GIGYF2: variants seen among roughly 807,000 people sequenced by gnomAD.
GIGYF2 encodes the protein GRB10-interacting GYF protein 2.
A neutral mutation model predicts 208.1 loss-of-function variants in GIGYF2; 25 were observed. That is an observed-to-expected ratio of 0.12 (90% CI 0.09 to 0.17). The LOEUF is 0.17. Among genes scored for constraint, GIGYF2 ranks in the 10% least tolerant of loss-of-function variants. The pLI is 1.00. For synonymous variants in GIGYF2, 534 were observed against 543.8 expected (o/e 0.98, Z 0.25); for missense variants, 1,302 against 1,579.4 (o/e 0.82, Z 2.98).
At chr2:232,837,017 C>T (rs906266644) in intron 22 of GIGYF2, among the ~76,000 whole-genome samples, 2 of 152,190 alleles carry the variant, frequency 1.3e-5, no homozygotes, top group African/African-American at 4.8e-5. Context: ...AGAATAGTAG[C>T]CTCAGGTATT....
intron 14 of GIGYF2, among the ~76,000 whole-genome samples, chr2:232,804,535 A>G (rs1454537825): frequency 2.0e-5 from 3 of 152,112 alleles, no homozygotes; most frequent in African/African-American, 7.2e-5. Flanking sequence ...TCTGTCACCC[A>G]GGCTGGAGTG....
At chr2:232,761,247 A>C in intron 7 of GIGYF2, 149 bp from the exon 8 acceptor site, 1 of 593,586 alleles carries the variant, frequency 1.7e-6, no homozygotes, top group East Asian at 3.0e-5. Context: ...GCTTTTCTAT[A>C]TTTTCGAAAT....
In GIGYF2 at chr2:232,824,036, G is replaced by A. The variant is rs115621627; in HGVS notation, c.2529+4051G>A. ...ACTATTGAAATTGTTGTGGAGTGCC[G>A]TGAACTGTGCCCATGTAAGGCAGCA... On this transcript the variant is annotated intron_variant, in intron 21 of 28. Transcript: ENST00000373563. Among the ~76,000 whole-genome samples the A allele has an allele frequency of 2.1e-3, 320 of 152,254 alleles. 4 individuals carry two copies. Among genetic ancestry groups the A allele is most frequent in the African/African-American group, 7.5e-3 (312 of 41,536 alleles).
At chr2:232,768,905 AT>A (rs1354375823) in intron 8 of GIGYF2, 12 of 1,142,412 alleles carry the variant, frequency 1.1e-5, no homozygotes, top group African/African-American at 1.6e-5. Flanking sequence ...ATATTTACAC[AT>A]TTCTTGGTGC....
chr2:232,706,890 G>A (rs1370608981), intron 2 of GIGYF2, among the ~76,000 whole-genome samples: 1 of 149,848 alleles, frequency 6.7e-6, no homozygotes, highest in Non-Finnish European at 1.5e-5. Context: ...AGGCTGTACT[G>A]AGCCGTGATT....
At position 232,832,882 on chromosome 2, in the gene GIGYF2, G is replaced by A. The variant is rs375089299; in HGVS notation, c.2555G>A (p.Arg852Gln). 2.0e-4 allele frequency: 314 copies of A among 1,557,282 alleles called. No individual in the cohort carries two copies. The highest frequency in any genetic ancestry group is 5.2e-4 in the South Asian group (44 of 84,314). Residue 852 changes from arginine (R) to glutamine (Q), a missense_variant, in exon 22 of 29, where the codon CGG (arginine) becomes CAG (glutamine). Transcript: ENST00000373563. ...GAAGAGGAGGCTGCAAAATGGGCCCGGGAAGAAGAAGAAGCCCAGCGTCGA... is the reference window on the plus strand; with the variant it reads ...GAAGAGGAGGCTGCAAAATGGGCCCAGGAAGAAGAAGAAGCCCAGCGTCGA... ...KQEEEAAKWA[R>Q]EEEEAQRRLE...
At chr2:232,838,341 G>A (rs1487452217) in intron 22 of GIGYF2, among the ~76,000 whole-genome samples, 6 of 152,052 alleles carry the variant, frequency 3.9e-5, no homozygotes, top group Non-Finnish European at 8.8e-5. Flanking sequence ...GAAATAGGGA[G>A]TCAGGCCAGG....
Position 232,844,034 on chromosome 2 carries a change from T to C in GIGYF2, c.2890-12T>C, listed in dbSNP as rs746963111. ...CAGGAATCCTCAGCTAGCTTCTGTT[T>C]TTATGCAACAGCAAAGGCGCCAGCA... On this transcript the variant is annotated splice_polypyrimidine_tract_variant and intron_variant, in intron 23 of 28. Coordinates refer to ENST00000373563, the MANE Select transcript of GIGYF2 (RefSeq NM_001103146.3). 9.9e-6 allele frequency: 16 copies of C among 1,612,500 alleles called. No individual in the cohort carries two copies. Among genetic ancestry groups the C allele is most frequent in the Non-Finnish European group, 1.3e-5 (15 of 1,178,616 alleles).
intron 19 of GIGYF2, among the ~76,000 whole-genome samples, chr2:232,816,306 AAG>A (rs1325479860): frequency 1.3e-5 from 2 of 152,298 alleles, no homozygotes; most frequent in East Asian, 1.9e-4. Flanking sequence ...TCAGGCGTAC[AAG>A]AGAGTGTTGT....
At chr2:232,769,256 C>A (rs1699116813) in intron 8 of GIGYF2, among the ~76,000 whole-genome samples, 1 of 152,102 alleles carries the variant, frequency 6.6e-6, no homozygotes, top group African/African-American at 2.4e-5. Context: ...TTTGGCCAGG[C>A]ATGGTGTCTC....
rs776929574 is a variant in GIGYF2 at position 232,735,186 on chromosome 2, A to T, written c.-12A>T. 8.8e-6 allele frequency: 14 copies of T among 1,590,842 alleles called. No homozygotes were observed. In the Middle Eastern group the frequency reaches 5.0e-4, roughly 57 times the overall value. ...TCACATATAAAAATCTATTGTAAAA[A>T]TACGGAAAAGAATGGCAGCGGAAAC... On this transcript the variant is annotated 5_prime_UTR_variant, in exon 3 of 29. Transcript: ENST00000373563.
chr2:232,771,146 C>T (rs1225523589), intron 8 of GIGYF2: 6 of 1,614,102 alleles, frequency 3.7e-6, no homozygotes, highest in Non-Finnish European at 4.2e-6. Context: ...TACCAGAGCA[C>T]TGCAAAGACA....
chr2:232,805,619 T>C (rs1166898628), intron 14 of GIGYF2, among the ~76,000 whole-genome samples: 1 of 152,248 alleles, frequency 6.6e-6, no homozygotes, highest in Admixed American at 6.5e-5. Context: ...TGTGTTCTGG[T>C]TGCTGGCTTC....
intron 21 of GIGYF2, among the ~76,000 whole-genome samples, chr2:232,829,889 TGACAGTA>T (rs1701372438): frequency 2.0e-5 from 3 of 152,366 alleles, no homozygotes; most frequent in South Asian, 4.1e-4. Flanking sequence ...AGTAGACAGT[TGACAGTA>T]GACAGTTGGC....
At chr2:232,703,217 A>G (rs1478368090) in intron 1 of GIGYF2, among the ~76,000 whole-genome samples, 2 of 152,194 alleles carry the variant, frequency 1.3e-5, no homozygotes, top group Non-Finnish European at 2.9e-5. Context: ...ACTTTTGTTA[A>G]AAAATATAGT....
intron 18 of GIGYF2, 57 bp from the exon 19 acceptor site, chr2:232,815,580 A>G (rs1700881794): frequency 1.1e-6 from 1 of 924,112 alleles, no homozygotes; most frequent in Non-Finnish European, 1.8e-6. Context: ...TCCTACGGAT[A>G]TGTCACCATG....
chr2:232,717,697 G>A (rs1005062051), intron 2 of GIGYF2, among the ~76,000 whole-genome samples: 22 of 152,090 alleles, frequency 1.4e-4, no homozygotes, highest in African/African-American at 5.3e-4. Flanking sequence ...ACTCATAGTG[G>A]AAAGCAAAGG....
chr2:232,784,538 C>A (rs1457471404), intron 8 of GIGYF2, among the ~76,000 whole-genome samples: 1 of 151,432 alleles, frequency 6.6e-6, no homozygotes, highest in East Asian at 1.9e-4. Context: ...CTACAGGCGC[C>A]CGCCACCGCG....
chr2:232,701,422 G>A (rs760462611), intron 1 of GIGYF2, among the ~76,000 whole-genome samples: 2 of 149,882 alleles, frequency 1.3e-5, no homozygotes, highest in Non-Finnish European at 3.0e-5. Context: ...TCCAGCCTAG[G>A]TGATAGAGCA....
Sources: allele counts gnomAD v4.1 joint callset (sites outside exome capture counted in the v4.1 genomes callset), GRCh38; gene constraint gnomAD v4.1.1; transcripts MANE v1.5; gene names NCBI Gene and HGNC (gene_info 2026-07-23, HGNC 2026-07-21).